THADA: variants seen among roughly 807,000 people sequenced by gnomAD.
The protein encoded by THADA is THADA armadillo repeat containing, also known as tRNA (32-2'-O)-methyltransferase regulator THADA.
Under a neutral mutation model 219.8 loss-of-function variants are expected in THADA, and 213 were observed. That is an observed-to-expected ratio of 0.97 (90% CI 0.87 to 1.09). THADA has a LOEUF of 1.09. Among genes scored for constraint, THADA ranks in the 50% least tolerant of loss-of-function variants. The probability of loss-of-function intolerance (pLI) is 0.00; values close to 1 mark genes in which losing one functional copy is unlikely to be tolerated. For synonymous variants in THADA, 1,018 were observed against 828.9 expected, an observed-to-expected ratio of 1.23 and a Z score of -3.92; for missense variants, 2,956 against 2,311.3, an observed-to-expected ratio of 1.28 and a Z score of -5.72.
At chr2:43,533,992 G>C (rs1694231158) in intron 21 of THADA, among the ~76,000 whole-genome samples, 1 of 152,134 alleles carries the variant, frequency 6.6e-6, no homozygotes, top group Non-Finnish European at 1.5e-5. Context: ...TAAAATAATA[G>C]AGTTTAGTAA....
At chr2:43,593,677 A>G (rs926855687) in intron 1 of THADA, among the ~76,000 whole-genome samples, 4 of 132,680 alleles carry the variant, frequency 3.0e-5, no homozygotes, top group African/African-American at 9.0e-5. Flanking sequence ...TCCTTCGCCC[A>G]TGCTGGAGTG....
At chr2:43,305,636 A>G (rs146792337) in intron 31 of THADA, among the ~76,000 whole-genome samples, 240 of 152,278 alleles carry the variant, frequency 1.6e-3, no homozygotes, top group African/African-American at 5.4e-3. Context: ...CTGGCAGCCC[A>G]TAAAATCAAA....
intron 30 of THADA, among the ~76,000 whole-genome samples, chr2:43,321,142 T>G (rs1220604700): frequency 6.6e-6 from 1 of 152,210 alleles, no homozygotes; most frequent in Non-Finnish European, 1.5e-5. Flanking sequence ...GTAAGTGGGC[T>G]CAGATTTGGG....
intron 29 of THADA, among the ~76,000 whole-genome samples, chr2:43,365,434 G>A (rs924763314): frequency 4.6e-5 from 7 of 151,958 alleles, no homozygotes; most frequent in African/African-American, 1.7e-4. Flanking sequence ...AGCTGGGCGT[G>A]GTGGCAGGCG....
At chr2:43,275,343 T>C (rs976848230) in intron 36 of THADA, among the ~76,000 whole-genome samples, 11 of 151,934 alleles carry the variant, frequency 7.2e-5, no homozygotes, top group African/African-American at 1.9e-4. Flanking sequence ...GAGACGGGAA[T>C]GGGAGGAGGC....
At chr2:43,302,740 T>A (rs1029222094) in intron 31 of THADA, among the ~76,000 whole-genome samples, 3 of 152,126 alleles carry the variant, frequency 2.0e-5, no homozygotes, top group Non-Finnish European at 2.9e-5. Flanking sequence ...AAAGATAATT[T>A]AAAGAAATTT....
chr2:43,538,030 G>T (rs896191048), intron 21 of THADA, among the ~76,000 whole-genome samples: 1 of 151,932 alleles, frequency 6.6e-6, no homozygotes, highest in Non-Finnish European at 1.5e-5. Flanking sequence ...TTTCTGTGGC[G>T]ATAATTACTG....
At position 43,560,232 on chromosome 2, in the gene THADA, AC is replaced by A. The variant is rs1397326244; in HGVS notation, c.2463+1del. The A allele has an allele frequency of 6.2e-7, 1 of 1,609,572 alleles. No individual in the cohort carries two copies. Among genetic ancestry groups the A allele is most frequent in the Admixed American group, 1.7e-5 (1 of 59,078 alleles). ...ACATTTATACTAGAAAAGTCCTGATACCTGAAAATGTACAGCTGTTTTTGAT... is the reference window on the plus strand; with the variant it reads ...ACATTTATACTAGAAAAGTCCTGATACTGAAAATGTACAGCTGTTTTTGAT... On this transcript the variant is annotated splice_donor_variant, in intron 16 of 37. Coordinates refer to ENST00000405975, the MANE Select transcript of THADA (RefSeq NM_022065.5). LOFTEE classifies it high-confidence loss of function.
intron 16 of THADA, among the ~76,000 whole-genome samples, chr2:43,558,090 C>T (rs967742392): frequency 8.5e-5 from 13 of 152,220 alleles, no homozygotes; most frequent in African/African-American, 2.6e-4. Flanking sequence ...TAATAAATAG[C>T]CTTTGAAGTC....
intron 26 of THADA, among the ~76,000 whole-genome samples, chr2:43,442,697 G>A (rs1681000250): frequency 1.3e-5 from 2 of 152,118 alleles, no homozygotes; most frequent in African/African-American, 4.8e-5. Flanking sequence ...TGTTACAAGA[G>A]CAGATGGACT....
intron 26 of THADA, among the ~76,000 whole-genome samples, chr2:43,431,525 G>A (rs956580785): frequency 2.6e-5 from 4 of 152,064 alleles, no homozygotes; most frequent in Non-Finnish European, 4.4e-5. Context: ...GAGTGCAGTG[G>A]TGCGATCTCG....
chr2:43,331,449 A>G (rs1665767623), intron 30 of THADA, among the ~76,000 whole-genome samples: 1 of 152,226 alleles, frequency 6.6e-6, no homozygotes, highest in Non-Finnish European at 1.5e-5. Context: ...TCATGTGCAT[A>G]TAGACAGCAG....
chr2:43,586,450 C>T lies in THADA; in HGVS notation c.485-1G>A. ...AAACTCTTCTGCAGAAAATGAAGCA[C>T]TGAAACAAAAAGAATATGACAAATA... On this transcript the variant is annotated splice_acceptor_variant, in intron 6 of 37. Transcript: ENST00000405975. LOFTEE classifies it high-confidence loss of function. The T allele has an allele frequency of 1.3e-6, 2 of 1,570,576 alleles. No homozygotes were observed. Among genetic ancestry groups the T allele is most frequent in the Non-Finnish European group, 8.6e-7 (1 of 1,159,348 alleles).
chr2:43,264,504 C>T (rs992638234), intron 36 of THADA, among the ~76,000 whole-genome samples: 10 of 152,018 alleles, frequency 6.6e-5, no homozygotes, highest in Middle Eastern at 3.2e-3. Context: ...AAGCTGGTCT[C>T]GAACTCCTGA....
chr2:43,289,957 G>C (rs576975352), intron 34 of THADA, among the ~76,000 whole-genome samples: 8 of 144,028 alleles, frequency 5.6e-5, no homozygotes, highest in African/African-American at 2.1e-4. Context: ...CCCGGCCCTG[G>C]TGTTTTTTTT....
At chr2:43,578,141 A>G (rs1700048806) in intron 9 of THADA, among the ~76,000 whole-genome samples, 1 of 151,814 alleles carries the variant, frequency 6.6e-6, no homozygotes. Context: ...TCACTTCTTT[A>G]AAAATATTTT....
At chr2:43,551,546 T>A (rs935121788) in intron 19 of THADA, among the ~76,000 whole-genome samples, 7 of 151,908 alleles carry the variant, frequency 4.6e-5, no homozygotes, top group African/African-American at 1.7e-4. Flanking sequence ...TAACTCAAGT[T>A]ACCCTGGGGT....
intron 30 of THADA, among the ~76,000 whole-genome samples, chr2:43,337,198 C>G (rs1402041528): frequency 6.6e-6 from 1 of 152,218 alleles, no homozygotes; most frequent in Non-Finnish European, 1.5e-5. Context: ...CAGGGAGGGT[C>G]CAGGGGAAGA....
intron 21 of THADA, among the ~76,000 whole-genome samples, chr2:43,535,672 A>G (rs1694482140): frequency 8.5e-6 from 1 of 117,528 alleles, no homozygotes; most frequent in Admixed American, 8.5e-5. Flanking sequence ...ACACAGCGAG[A>G]CTCAAAAAAA....
Sources: gnomAD v4.1 joint callset for allele counts (sites outside exome capture counted in the v4.1 genomes callset) on GRCh38, gnomAD v4.1.1 for gene constraint, MANE v1.5 for transcripts, NCBI Gene and HGNC (gene_info 2026-07-23, HGNC 2026-07-21) for gene names.